Variants in LINGO2 observed in about 807,000 individuals in gnomAD.
LINGO2 encodes leucine rich repeat and Ig domain containing 2, also known as leucine-rich repeat and immunoglobulin-like domain-containing nogo receptor-interacting protein 2.
Under a neutral mutation model 30.6 loss-of-function variants are expected in LINGO2, and 14 were observed. That is an observed-to-expected ratio of 0.46 (90% CI 0.30 to 0.72). The LOEUF is 0.72. Ranked by LOEUF, LINGO2 falls within the 30% of genes least tolerant of loss-of-function variation. The pLI is 0.07. For missense variants in LINGO2, 729 were observed against 751.7 expected (o/e 0.97, Z 0.35); for synonymous variants, 317 against 288.5 (o/e 1.10, Z -1.00).
chr9:29,078,845 C>T, the LINGO2 span, among the ~76,000 whole-genome samples: 5 of 151,906 alleles, frequency 3.3e-5, no homozygotes, highest in African/African-American at 9.7e-5. Context: ...ATCAGAATCA[C>T]CTGTGATTTT....
chr9:27,995,828 A>T (rs1023324486), intron 5 of LINGO2, among the ~76,000 whole-genome samples: 1 of 152,166 alleles, frequency 6.6e-6, no homozygotes, highest in African/African-American at 2.4e-5. Flanking sequence ...CAATTTCACC[A>T]CTTATATTCA....
intron 2 of LINGO2, among the ~76,000 whole-genome samples, chr9:28,435,461 A>G (rs1482680028): frequency 6.6e-6 from 1 of 152,162 alleles, no homozygotes; most frequent in African/African-American, 2.4e-5. Flanking sequence ...ATGCCATGTA[A>G]TAGAAAAATA....
chr9:29,037,917 T>C, the LINGO2 span, among the ~76,000 whole-genome samples: 1 of 152,062 alleles, frequency 6.6e-6, no homozygotes, highest in South Asian at 2.1e-4. Context: ...CTCTTGAAAA[T>C]ATTAATAGAA....
chr9:28,514,455 A>G (rs1340549613), intron 1 of LINGO2, among the ~76,000 whole-genome samples: 1 of 152,238 alleles, frequency 6.6e-6, no homozygotes, highest in Non-Finnish European at 1.5e-5. Flanking sequence ...ACTCTGGCAA[A>G]CAAGAATAAT....
the LINGO2 span, among the ~76,000 whole-genome samples, chr9:28,741,604 C>T: frequency 1.8e-4 from 27 of 152,038 alleles, no homozygotes; most frequent in Admixed American, 1.4e-3. Flanking sequence ...CTGCTGGGGT[C>T]AGCCTGGTAT....
chr9:28,776,603 C>T, the LINGO2 span, among the ~76,000 whole-genome samples: 1 of 152,124 alleles, frequency 6.6e-6, no homozygotes, highest in African/African-American at 2.4e-5. Flanking sequence ...CATGCATTCT[C>T]CCTCTCTCTA....
chr9:28,206,628 C>T (rs1215596555), intron 4 of LINGO2, among the ~76,000 whole-genome samples: 1 of 152,098 alleles, frequency 6.6e-6, no homozygotes, highest in East Asian at 1.9e-4. Context: ...TACTTATGTA[C>T]TTAATAGGTA....
At chr9:29,006,552 G>GA in the LINGO2 span, among the ~76,000 whole-genome samples, 3 of 151,914 alleles carry the variant, frequency 2.0e-5, no homozygotes, top group African/African-American at 7.3e-5. Flanking sequence ...AATAAAAGGG[G>GA]AAAAATATTT....
the LINGO2 span, among the ~76,000 whole-genome samples, chr9:28,756,804 T>C: frequency 1.3e-5 from 2 of 151,994 alleles, no homozygotes; most frequent in Non-Finnish European, 2.9e-5. Flanking sequence ...CCTTCTGCCA[T>C]GACTGTAAAT....
chr9:29,084,002 G>C, the LINGO2 span, among the ~76,000 whole-genome samples: 1 of 151,896 alleles, frequency 6.6e-6, no homozygotes, highest in African/African-American at 2.4e-5. Context: ...CTATGGTAAT[G>C]TGTTCATTAC....
intron 2 of LINGO2, among the ~76,000 whole-genome samples, chr9:28,461,134 A>G (rs143329551): frequency 9.1e-4 from 138 of 152,282 alleles, no homozygotes; most frequent in African/African-American, 3.2e-3. Flanking sequence ...TCACTTTTAT[A>G]ACAACATAAA....
intron 1 of LINGO2, among the ~76,000 whole-genome samples, chr9:28,606,121 T>A (rs771189356): frequency 1.1e-4 from 16 of 152,046 alleles, no homozygotes; most frequent in Non-Finnish European, 1.9e-4. Context: ...TGTGACTATT[T>A]CTCTCAGTTA....
At chr9:28,021,100 T>C (rs1412324372) in intron 4 of LINGO2, among the ~76,000 whole-genome samples, 1 of 152,148 alleles carries the variant, frequency 6.6e-6, no homozygotes, top group Non-Finnish European at 1.5e-5. Context: ...CTTGCTCTTT[T>C]TTAATTTCCT....
At chr9:28,826,658 G>T in the LINGO2 span, among the ~76,000 whole-genome samples, 2 of 152,132 alleles carry the variant, frequency 1.3e-5, no homozygotes, top group Non-Finnish European at 2.9e-5. Context: ...GTCTAGGTAG[G>T]TAGAGAAAAT....
chr9:29,006,919 G>A, the LINGO2 span, among the ~76,000 whole-genome samples: 2 of 152,056 alleles, frequency 1.3e-5, no homozygotes, highest in African/African-American at 4.8e-5. Context: ...AAATGGTAAT[G>A]AAATGGTGAT....
At chr9:28,784,719 C>T in the LINGO2 span, among the ~76,000 whole-genome samples, 1 of 152,106 alleles carries the variant, frequency 6.6e-6, no homozygotes, top group East Asian at 1.9e-4. Context: ...TTTGGGAGGC[C>T]GAGGTGCGTG....
chr9:27,944,309 GTTAA>G (rs1823281479), downstream of LINGO2: 3 of 152,216 alleles, frequency 2.0e-5, no homozygotes, highest in African/African-American at 4.8e-5. Context: ...TGTTTATTAG[GTTAA>G]TTGAGCTAAA....
intron 1 of LINGO2, among the ~76,000 whole-genome samples, chr9:28,606,855 T>C (rs192781630): frequency 3.9e-5 from 6 of 152,044 alleles, no homozygotes; most frequent in African/African-American, 1.4e-4. Flanking sequence ...TGTTCAAATA[T>C]TTTTATCAAA....
chr9:28,149,101 A>G, intron 4 of LINGO2: 10 of 1,530,330 alleles, frequency 6.5e-6, no homozygotes, highest in Non-Finnish European at 8.7e-6. Flanking sequence ...CCCAAAGAGA[A>G]GGACGCCTCC....
Sources: gnomAD v4.1 joint callset for allele counts (sites outside exome capture counted in the v4.1 genomes callset) on GRCh38, gnomAD v4.1.1 for gene constraint, MANE v1.5 for transcripts, NCBI Gene and HGNC (gene_info 2026-07-23, HGNC 2026-07-21) for gene names.